The following YWHAE variants were observed in gnomAD, a reference collection of about 807,000 sequenced individuals.
YWHAE encodes the protein tyrosine 3-monooxygenase/tryptophan 5-monooxygenase activation protein epsilon, also known as 14-3-3 protein epsilon.
In YWHAE, 4 loss-of-function variants were observed where a neutral mutation model predicts 30.1. The observed-to-expected ratio is 0.13, with a 90% CI of 0.07 to 0.30. YWHAE has a LOEUF of 0.30. Among genes scored for constraint, YWHAE ranks in the 10% least tolerant of loss-of-function variants. The probability of loss-of-function intolerance (pLI) is 1.00; values close to 1 mark genes in which losing one functional copy is unlikely to be tolerated. For synonymous variants in YWHAE, 118 were observed against 111.8 expected, an observed-to-expected ratio of 1.06 and a Z score of -0.35; for missense variants, 121 against 315.9, an observed-to-expected ratio of 0.38 and a Z score of 4.68.
rs372191471 is a variant in YWHAE, at chr17:1,357,900, C to A, written c.578+3192G>T. Among the ~76,000 whole-genome samples, 92 of 150,774 alleles carry A rather than the reference C, an allele frequency of 6.1e-4. 1 individual carries two copies. Among genetic ancestry groups the A allele is most frequent in the African/African-American group, 2.1e-3 (87 of 40,974 alleles). ...TGAGATTGCACCACTGCACTCCAGC[C>A]TGGGAAACACAGCGAGACTCTCCTC... On this transcript the variant is annotated intron_variant, in intron 4 of 5. Coordinates refer to ENST00000264335, the MANE Select transcript of YWHAE (RefSeq NM_006761.5).
chr17:1,376,371 AGAC>A (rs2073123747), intron 1 of YWHAE, among the ~76,000 whole-genome samples: 1 of 150,000 alleles, frequency 6.7e-6, no homozygotes, highest in African/African-American at 2.5e-5. Flanking sequence ...ACAGACAGAC[AGAC>A]AGAAAGAAAG....
intron 4 of YWHAE, among the ~76,000 whole-genome samples, chr17:1,358,443 G>T (rs550414800): frequency 6.6e-6 from 1 of 151,718 alleles, no homozygotes; most frequent in Admixed American, 6.6e-5. Context: ...GTTTCACCAC[G>T]TTAGCCACGA....
At chr17:1,363,658 G>C (rs1363671372) in intron 2 of YWHAE, among the ~76,000 whole-genome samples, 1 of 152,168 alleles carries the variant, frequency 6.6e-6, no homozygotes, top group Non-Finnish European at 1.5e-5. Flanking sequence ...CCCCCTTCCA[G>C]TGCCATTTTA....
intron 1 of YWHAE, among the ~76,000 whole-genome samples, chr17:1,388,825 G>A (rs567470316): frequency 6.6e-6 from 1 of 152,228 alleles, no homozygotes; most frequent in East Asian, 1.9e-4. Context: ...TACAAAAACT[G>A]TCATAACTGT....
chr17:1,395,460 C>T (rs1217194364), intron 1 of YWHAE, among the ~76,000 whole-genome samples: 1 of 152,104 alleles, frequency 6.6e-6, no homozygotes, highest in Non-Finnish European at 1.5e-5. Flanking sequence ...ACCTGGGAGG[C>T]GGAGGTTGCA....
At chr17:1,387,779 C>G (rs114885817) in intron 1 of YWHAE, among the ~76,000 whole-genome samples, 2 of 151,424 alleles carry the variant, frequency 1.3e-5, no homozygotes, top group Non-Finnish European at 2.9e-5. Flanking sequence ...CACGCCACCA[C>G]GCCCGTCTAA....
chr17:1,385,999 GT>G (rs2073295426), intron 1 of YWHAE, among the ~76,000 whole-genome samples: 2 of 152,192 alleles, frequency 1.3e-5, no homozygotes, highest in Non-Finnish European at 2.9e-5. Context: ...AGTGGAAGGA[GT>G]ACCAGCTTTG....
chr17:1,398,731 A>AAAAGGTGG (rs1437922574), intron 1 of YWHAE: 4 of 152,300 alleles, frequency 2.6e-5, no homozygotes, highest in African/African-American at 9.6e-5. Flanking sequence ...AAGGTGGTCC[A>AAAAGGTGG]AAAGGTGGAC....
chr17:1,366,725 C>T (rs1482666415), intron 1 of YWHAE, among the ~76,000 whole-genome samples: 5 of 151,362 alleles, frequency 3.3e-5, no homozygotes, highest in African/African-American at 4.9e-5. Context: ...GGTGGATCGC[C>T]TGAGGTCAGG....
Position 1,369,962 on chromosome 17 carries a change from G to A in YWHAE, c.65-4904C>T, listed in dbSNP as rs79643839. Among the ~76,000 whole-genome samples the A allele has an allele frequency of 1.1e-4, 17 of 152,232 alleles. No homozygotes were observed. The East Asian group carries it at 2.7e-3, about 24-fold the overall frequency. ...TTTGCTGTTGGAAGGTTTTTGCCTTGATGTTGATGGCTACTGACTGCTTAG... is the reference window on the plus strand; with the variant it reads ...TTTGCTGTTGGAAGGTTTTTGCCTTAATGTTGATGGCTACTGACTGCTTAG... On this transcript the variant is annotated intron_variant, in intron 1 of 5. Transcript: ENST00000264335.
At chr17:1,351,575 A>G (rs2072633672) in intron 5 of YWHAE, among the ~76,000 whole-genome samples, 1 of 152,002 alleles carries the variant, frequency 6.6e-6, no homozygotes, top group Admixed American at 6.6e-5. Context: ...TGAGCTGGGG[A>G]TGACCATTAC....
intron 5 of YWHAE, among the ~76,000 whole-genome samples, chr17:1,353,698 A>G (rs1466745252): frequency 6.6e-6 from 1 of 151,262 alleles, no homozygotes; most frequent in African/African-American, 2.4e-5. Context: ...CGGGAGGCAG[A>G]GTTTGCAGTA....
intron 5 of YWHAE, among the ~76,000 whole-genome samples, chr17:1,351,910 T>G (rs1034200517): frequency 1.5e-4 from 22 of 151,076 alleles, no homozygotes; most frequent in African/African-American, 5.1e-4. Context: ...GCCTCAGCCT[T>G]GCAAGTAGCT....
intron 5 of YWHAE, chr17:1,352,237 T>C (rs1260902797): frequency 1.3e-5 from 2 of 152,172 alleles, no homozygotes; most frequent in African/African-American, 2.4e-5. Context: ...GTCCTACGTA[T>C]GTGAATATCT....
At chr17:1,394,605 C>CA (rs1214178892) in intron 1 of YWHAE, among the ~76,000 whole-genome samples, 2 of 151,028 alleles carry the variant, frequency 1.3e-5, no homozygotes, top group African/African-American at 2.4e-5. Context: ...GACCCTGTTT[C>CA]AAAAAAAAAT....
In YWHAE at chr17:1,400,209, C is replaced by T; in HGVS notation, c.-99G>A. The T allele has an allele frequency of 2.8e-6, 4 of 1,426,150 alleles. No homozygotes were observed. The highest frequency in any genetic ancestry group is 1.8e-4 in the Middle Eastern group (1 of 5,578). The allele number at this position is 1,426,150 out of a possible 1,614,324, so 88.3% of individuals were successfully genotyped here. ...CTCCGCGTCCGGGCAGCAAAAATGG[C>T]GGCGCCTCAATCCGGGACTTCCGCC... On this transcript the variant is annotated 5_prime_UTR_variant, in exon 1 of 6. Coordinates refer to ENST00000264335, the MANE Select transcript of YWHAE (RefSeq NM_006761.5).
At chr17:1,398,599 T>G (rs147431233) in intron 1 of YWHAE, among the ~76,000 whole-genome samples, 1,760 of 152,232 alleles carry the variant, frequency 0.012, 28 homozygotes, top group African/African-American at 0.04. Flanking sequence ...CAAAGATACT[T>G]GATTCCAACC....
chr17:1,397,683 G>A (rs546806974), intron 1 of YWHAE, among the ~76,000 whole-genome samples: 5 of 152,082 alleles, frequency 3.3e-5, no homozygotes, highest in Non-Finnish European at 7.4e-5. Flanking sequence ...TCTGTTTGGT[G>A]ACCAGAACTC....
intron 4 of YWHAE, among the ~76,000 whole-genome samples, chr17:1,357,401 T>TC (rs1567960197): frequency 3.0e-5 from 1 of 33,222 alleles, no homozygotes; most frequent in Non-Finnish European, 4.8e-5. Flanking sequence ...AGACTCCGTC[T>TC]CAAAAAAAAA....
Sources: allele counts gnomAD v4.1 joint callset (sites outside exome capture counted in the v4.1 genomes callset), GRCh38; gene constraint gnomAD v4.1.1; transcripts MANE v1.5; gene names NCBI Gene and HGNC (gene_info 2026-07-23, HGNC 2026-07-21).